Variants in PRKCQ observed in about 807,000 individuals in gnomAD.
PRKCQ encodes the protein protein kinase C theta type.
Under a neutral mutation model 91.2 loss-of-function variants are expected in PRKCQ, and 41 were observed. That is an observed-to-expected ratio of 0.45 (90% CI 0.35 to 0.58). The LOEUF (loss-of-function observed/expected upper bound fraction) is 0.58. Among genes scored for constraint, PRKCQ ranks in the 20% least tolerant of loss-of-function variants. The probability of loss-of-function intolerance (pLI) is 0.00; values close to 1 mark genes in which losing one functional copy is unlikely to be tolerated. For synonymous variants in PRKCQ, 307 were observed against 316.9 expected (o/e 0.97, Z 0.33); for missense variants, 673 against 896.5 (o/e 0.75, Z 3.18).
At chr10:6,432,391 A>T (rs617627) in intron 16 of PRKCQ, among the ~76,000 whole-genome samples, 56,471 of 151,668 alleles carry the variant, frequency 0.37, 12,401 homozygotes, top group African/African-American at 0.62. Flanking sequence ...TCGCTTTTTT[A>T]AAAAAAAGTA....
chr10:6,558,638 A>T (rs964013910), intron 1 of PRKCQ, among the ~76,000 whole-genome samples: 2 of 152,238 alleles, frequency 1.3e-5, no homozygotes, highest in African/African-American at 4.8e-5. Flanking sequence ...CCCTAGGAGC[A>T]GCAGGTTTTT....
At chr10:6,533,101 C>T (rs1253552529) in intron 1 of PRKCQ, among the ~76,000 whole-genome samples, 5 of 152,138 alleles carry the variant, frequency 3.3e-5, no homozygotes, top group Non-Finnish European at 5.9e-5. Flanking sequence ...CCTACAGATG[C>T]AGAGCTCCTC....
At chr10:6,426,624 A>C (rs1833129632), downstream of PRKCQ, among the ~76,000 whole-genome samples, 1 of 152,234 alleles carries the variant, frequency 6.6e-6, no homozygotes, top group Non-Finnish European at 1.5e-5. Context: ...GTCTATTTAA[A>C]AAAAATCACA....
chr10:6,468,058 A>C (rs1447351195), intron 12 of PRKCQ, among the ~76,000 whole-genome samples: 2 of 152,194 alleles, frequency 1.3e-5, no homozygotes, highest in African/African-American at 2.4e-5. Context: ...ATGATGATTA[A>C]ATACAAGATC....
chr10:6,469,277 C>A (rs188518365), intron 12 of PRKCQ, among the ~76,000 whole-genome samples: 7 of 152,260 alleles, frequency 4.6e-5, no homozygotes, highest in African/African-American at 1.4e-4. Flanking sequence ...CAAGAAGGAT[C>A]GTGACAAATT....
At chr10:6,413,629 CCACTTGT>C in the PRKCQ span, among the ~76,000 whole-genome samples, 1 of 76,416 alleles carries the variant, frequency 1.3e-5, no homozygotes, top group African/African-American at 5.4e-5. Flanking sequence ...GGATTAAATG[CCACTTGT>C]GCACACACAC....
At chr10:6,503,967 G>T (rs1588345516) in intron 4 of PRKCQ, among the ~76,000 whole-genome samples, 1 of 152,024 alleles carries the variant, frequency 6.6e-6, no homozygotes, top group South Asian at 2.1e-4. Context: ...TTGTAGAGAT[G>T]GGGTCACTCT....
chr10:6,535,524 A>G (rs567425113), intron 1 of PRKCQ, among the ~76,000 whole-genome samples: 65 of 152,282 alleles, frequency 4.3e-4, no homozygotes, highest in Non-Finnish European at 7.9e-4. Context: ...ACCAGTATCA[A>G]AATGGAGTCA....
intron 1 of PRKCQ, among the ~76,000 whole-genome samples, chr10:6,520,848 G>A (rs755338212): frequency 1.3e-5 from 2 of 152,174 alleles, no homozygotes; most frequent in South Asian, 2.1e-4. Context: ...AGCCCCACCA[G>A]GATGTCGCCT....
chr10:6,397,246 G>A, the PRKCQ span, among the ~76,000 whole-genome samples: 14 of 152,082 alleles, frequency 9.2e-5, no homozygotes, highest in African/African-American at 2.4e-4. Context: ...ACAGGCATGC[G>A]CCAACTTGCC....
intron 1 of PRKCQ, among the ~76,000 whole-genome samples, chr10:6,519,916 G>A (rs942382149): frequency 3.3e-5 from 5 of 152,204 alleles, no homozygotes; most frequent in African/African-American, 9.7e-5. Flanking sequence ...TTTGAAGAGA[G>A]AGCACCTTCC....
At chr10:6,481,821 T>C (rs1183855711) in intron 11 of PRKCQ, among the ~76,000 whole-genome samples, 1 of 152,178 alleles carries the variant, frequency 6.6e-6, no homozygotes, top group Non-Finnish European at 1.5e-5. Context: ...CATCCAAGAA[T>C]GTAAAACAAA....
the PRKCQ span, among the ~76,000 whole-genome samples, chr10:6,412,809 C>T: frequency 6.6e-6 from 1 of 152,180 alleles, no homozygotes; most frequent in Non-Finnish European, 1.5e-5. Context: ...TTACAAGTGA[C>T]TTGAGTTATT....
chr10:6,440,831 A>C (rs950658217), intron 16 of PRKCQ, among the ~76,000 whole-genome samples: 1 of 152,134 alleles, frequency 6.6e-6, no homozygotes, highest in Non-Finnish European at 1.5e-5. Flanking sequence ...TCTACTAAAA[A>C]TACAAAAATT....
chr10:6,400,421 C>T, the PRKCQ span, among the ~76,000 whole-genome samples: 4 of 152,188 alleles, frequency 2.6e-5, no homozygotes, highest in Non-Finnish European at 4.4e-5. Context: ...ACAGTACCAA[C>T]CTCGCTGTGT....
At chr10:6,573,908 G>T (rs989023930) in intron 1 of PRKCQ, among the ~76,000 whole-genome samples, 2 of 152,214 alleles carry the variant, frequency 1.3e-5, no homozygotes, top group African/African-American at 4.8e-5. Flanking sequence ...CTTGAGCCCA[G>T]GAGTTAGAGA....
In PRKCQ at chr10:6,528,333, G is replaced by A. The variant is rs371187042; in HGVS notation, c.-9-13189C>T. Among the ~76,000 whole-genome samples the A allele has an allele frequency of 6.6e-5, 10 of 152,134 alleles. No individual in the cohort carries two copies. In the East Asian group the frequency reaches 1.9e-3, roughly 29 times the overall value. On this transcript the variant is annotated intron_variant, in intron 1 of 17. Coordinates refer to ENST00000263125, the MANE Select transcript of PRKCQ (RefSeq NM_006257.5). ...CCCATCTCCACCCTCCTCTTCTCATGTTGCAGGATCTGCTGATCTGCAGAA... is the reference window on the plus strand; with the variant it reads ...CCCATCTCCACCCTCCTCTTCTCATATTGCAGGATCTGCTGATCTGCAGAA...
At chr10:6,571,038 C>T (rs1185057756) in intron 1 of PRKCQ, among the ~76,000 whole-genome samples, 1 of 152,068 alleles carries the variant, frequency 6.6e-6, no homozygotes, top group African/African-American at 2.4e-5. Flanking sequence ...GAGGCAGGAG[C>T]AGCTGTGGAG....
chr10:6,419,584 G>A, the PRKCQ span, among the ~76,000 whole-genome samples: 1 of 151,792 alleles, frequency 6.6e-6, no homozygotes, highest in Non-Finnish European at 1.5e-5. Flanking sequence ...TTGCATTTCT[G>A]GACAAAGTAT....
Sources: allele counts gnomAD v4.1 joint callset (sites outside exome capture counted in the v4.1 genomes callset), GRCh38; gene constraint gnomAD v4.1.1; transcripts MANE v1.5; gene names NCBI Gene and HGNC (gene_info 2026-07-23, HGNC 2026-07-21).